Variants in ABCA8 observed in about 807,000 individuals in gnomAD.
ABCA8 encodes ABC-type organic anion transporter ABCA8.
Under a neutral mutation model 192.3 loss-of-function variants are expected in ABCA8, and 177 were observed. The observed-to-expected ratio is 0.92, with a 90% CI of 0.81 to 1.04. The LOEUF (loss-of-function observed/expected upper bound fraction) is 1.04, where lower values mean the gene tolerates loss of function less well. Among genes scored for constraint, ABCA8 ranks in the 50% least tolerant of loss-of-function variants. The probability of loss-of-function intolerance (pLI) is 0.00; values close to 1 mark genes in which losing one functional copy is unlikely to be tolerated. For synonymous variants in ABCA8, 642 were observed against 690.2 expected (o/e 0.93, Z 1.09); for missense variants, 1,915 against 1,904.8 (o/e 1.01, Z -0.10).
intron 26 of ABCA8, among the ~76,000 whole-genome samples, chr17:68,885,595 A>G (rs2066437633): frequency 6.6e-6 from 1 of 151,390 alleles, no homozygotes; most frequent in Admixed American, 6.6e-5. Context: ...TTGCCCAGGT[A>G]GAAGTGCAGT....
Position 68,894,174 on chromosome 17 carries a change from T to C in ABCA8, c.3035A>G (p.Glu1012Gly). 6.2e-7 allele frequency: 1 copy of C among 1,612,934 alleles called. No individual in the cohort carries two copies. Among genetic ancestry groups the C allele is most frequent in the Non-Finnish European group, 8.5e-7 (1 of 1,179,410 alleles). ...AATTGTAAGATTATATATATTTACC[T>C]CCAAAAATGTACTTCTTTCAGTTCG... ...HIRTERSTFLENGQDNPIGFL... is the reference protein window; with the variant it reads ...HIRTERSTFLGNGQDNPIGFL... Residue 1012 changes from glutamate (E) to glycine (G), a missense_variant and splice_region_variant, in exon 23 of 40, where the codon GAG (glutamate) becomes GGG (glycine). Transcript: ENST00000586539.
In ABCA8 at chr17:68,903,052, G is replaced by A. The variant is rs373942261; in HGVS notation, c.2598-173C>T. Among the ~76,000 whole-genome samples the A allele has an allele frequency of 1.3e-4, 20 of 152,246 alleles. No individual in the cohort carries two copies. In the East Asian group the frequency reaches 1.4e-3, roughly 10 times the overall value. ...AACTCCAAATTCAAGATGTTAAACC[G>A]TAGATTTGTCCTTTGTTCATTTCTC... On this transcript the variant is annotated intron_variant, in intron 20 of 39. Transcript: ENST00000586539.
At chr17:68,915,460 C>T (rs1190013974) in intron 17 of ABCA8, among the ~76,000 whole-genome samples, 1 of 152,016 alleles carries the variant, frequency 6.6e-6, no homozygotes, top group African/African-American at 2.4e-5. Context: ...TCAAAATGGG[C>T]AAAATATCTG....
intron 5 of ABCA8, among the ~76,000 whole-genome samples, chr17:68,935,621 C>T (rs2068046198): frequency 1.4e-5 from 2 of 140,810 alleles, no homozygotes; most frequent in South Asian, 4.5e-4. Flanking sequence ...AATTCTCTAT[C>T]TTTGCTTTTG....
chr17:68,880,418 G>A (rs1202109287), intron 32 of ABCA8, among the ~76,000 whole-genome samples: 3 of 152,096 alleles, frequency 2.0e-5, no homozygotes, highest in Admixed American at 6.5e-5. Flanking sequence ...CAAATGGTGG[G>A]ACTAAAAAAG....
intron 10 of ABCA8, among the ~76,000 whole-genome samples, chr17:68,926,297 C>G (rs946281801): frequency 9.2e-5 from 14 of 151,898 alleles, no homozygotes; most frequent in Admixed American, 2.0e-4. Context: ...AGAATAAACA[C>G]ATTGGAAAAA....
At chr17:68,919,274 C>T (rs748920623) in intron 14 of ABCA8, 27 bp downstream of exon 14, 6 of 1,566,452 alleles carry the variant, frequency 3.8e-6, no homozygotes, top group South Asian at 2.4e-5. Context: ...TTTTGACCAA[C>T]ACATTAACTT....
chr17:68,903,956 C>G (rs986254796), intron 19 of ABCA8, among the ~76,000 whole-genome samples: 1 of 152,056 alleles, frequency 6.6e-6, no homozygotes, highest in Non-Finnish European at 1.5e-5. Flanking sequence ...TTTGTGTGTT[C>G]TCTATAATCT....
rs752947207 is a variant in ABCA8, at chr17:68,937,117, T to G, written c.302-2A>C. ...CTGGCAGTCCCAAGACCTCTTTACC[T>G]TTTGTTACAAGAAGGAATATTATTG... On this transcript the variant is annotated splice_acceptor_variant, in intron 4 of 39. Coordinates refer to ENST00000586539, the MANE Select transcript of ABCA8 (RefSeq NM_001288985.2). LOFTEE classifies it high-confidence loss of function. 1 of 1,584,482 alleles carries G rather than the reference T, an allele frequency of 6.3e-7. No individual in the cohort carries two copies. Among genetic ancestry groups the G allele is most frequent in the African/African-American group, 1.4e-5 (1 of 73,070 alleles).
intron 5 of ABCA8, among the ~76,000 whole-genome samples, chr17:68,934,186 A>AT (rs1473517519): frequency 8.5e-5 from 13 of 152,158 alleles, no homozygotes; most frequent in African/African-American, 3.1e-4. Flanking sequence ...GCCTCATTTA[A>AT]TTTTTTCTTC....
At chr17:68,886,319 A>C (rs890853686) in intron 26 of ABCA8, among the ~76,000 whole-genome samples, 1 of 152,028 alleles carries the variant, frequency 6.6e-6, no homozygotes, top group African/African-American at 2.4e-5. Context: ...GCCATTGTGC[A>C]CCTTGTTTTT....
At chr17:68,877,918 G>A (rs574745946) in intron 32 of ABCA8, 12 of 402,456 alleles carry the variant, frequency 3.0e-5, no homozygotes, top group African/African-American at 4.1e-5. Context: ...CCATAAATGT[G>A]GTGCCTGTCC....
chr17:68,869,868 T>C, intron 37 of ABCA8, 89 bp from the exon 38 acceptor site: 1 of 918,618 alleles, frequency 1.1e-6, no homozygotes, highest in Non-Finnish European at 1.7e-6. Flanking sequence ...TTTTTTTCTT[T>C]TAAAAAATGG....
In ABCA8 at chr17:68,867,514, G is replaced by A. The variant is rs1269297443; in HGVS notation, c.*571C>T. The A allele has an allele frequency of 1.3e-5, 2 of 152,082 alleles. No homozygotes were observed. Among genetic ancestry groups the A allele is most frequent in the African/African-American group, 2.4e-5 (1 of 41,430 alleles). The allele number at this position is 152,082 out of a possible 1,614,324, so 9.4% of individuals were successfully genotyped here. A position where few individuals can be genotyped will look rare whatever the true frequency, so the allele number is the denominator to read the frequency against. On this transcript the variant is annotated 3_prime_UTR_variant, in exon 40 of 40. Transcript: ENST00000586539. ...ATATATTTGAAATAGTAGGGTTTTTGTTTTCCATTTATGCCTACATCATGG... is the reference window on the plus strand; with the variant it reads ...ATATATTTGAAATAGTAGGGTTTTTATTTTCCATTTATGCCTACATCATGG...
At chr17:68,910,946 G>C (rs1031801488) in intron 17 of ABCA8, among the ~76,000 whole-genome samples, 1 of 152,234 alleles carries the variant, frequency 6.6e-6, no homozygotes, top group African/African-American at 2.4e-5. Context: ...TAGCCAGGCA[G>C]TACTTGCCAC....
In ABCA8 at chr17:68,933,203, C is replaced by A; in HGVS notation, c.535G>T (p.Ala179Ser). 1.2e-6 allele frequency: 2 copies of A among 1,613,136 alleles called. No individual in the cohort carries two copies. Among genetic ancestry groups the A allele is most frequent in the Non-Finnish European group, 1.7e-6 (2 of 1,179,466 alleles). Residue 179 changes from alanine (A) to serine (S), a missense_variant, in exon 6 of 40, where the codon GCT becomes TCT. Ala to Ser is a moderately conservative substitution (Grantham distance 99, BLOSUM62 1). Transcript: ENST00000586539. ...VSVFWKEGFV[A>S]LQAAINAAII... is the part of the protein sequence containing the mutation. ...GCAGCATTAATGGCAGCTTGAAGAG[C>A]CACAAAACCTTCCTTCCAAAATACT...
In ABCA8 at chr17:68,870,792, C is replaced by T. The variant is rs562370401; in HGVS notation, c.4632-1013G>A. ...CACATCTTGGCTATTAAGAATAGTG[C>T]TGCAATGAAAATGTGGGTGCAGGTA... On this transcript the variant is annotated intron_variant, in intron 37 of 39. Coordinates refer to ENST00000586539, the MANE Select transcript of ABCA8 (RefSeq NM_001288985.2). Among the ~76,000 whole-genome samples the T allele has an allele frequency of 2.6e-5, 4 of 152,286 alleles. No individual in the cohort carries two copies. The South Asian group carries it at 8.3e-4, about 32-fold the overall frequency.
intron 1 of ABCA8, among the ~76,000 whole-genome samples, chr17:68,954,916 T>A (rs1298699423): frequency 1.3e-5 from 2 of 152,150 alleles, no homozygotes; most frequent in Non-Finnish European, 2.9e-5. Context: ...TCACAAAAAA[T>A]TTTTAGCCAA....
intron 27 of ABCA8, chr17:68,884,786 C>A: frequency 1.0e-6 from 1 of 985,338 alleles, no homozygotes; most frequent in Non-Finnish European, 1.2e-6. Flanking sequence ...ACAGTAACTT[C>A]CTTCCTTTTG....
Sources: allele counts gnomAD v4.1 joint callset (sites outside exome capture counted in the v4.1 genomes callset), GRCh38; gene constraint gnomAD v4.1.1; transcripts MANE v1.5; gene names NCBI Gene and HGNC (gene_info 2026-07-23, HGNC 2026-07-21).